Variants in PCDHGA12 observed in about 807,000 individuals in gnomAD.
The protein encoded by PCDHGA12 is protocadherin gamma-A12.
A neutral mutation model predicts 61.1 loss-of-function variants in PCDHGA12; 43 were observed. That is an observed-to-expected ratio of 0.70 (90% CI 0.55 to 0.91). The LOEUF (loss-of-function observed/expected upper bound fraction) is 0.91, where lower values mean the gene tolerates loss of function less well. PCDHGA12 is among the 40% of genes least tolerant of loss of function. The pLI, the probability that PCDHGA12 is intolerant of heterozygous loss-of-function variation, is 0.00. For synonymous variants in PCDHGA12, 520 were observed against 542.9 expected (o/e 0.96, Z 0.59); for missense variants, 1,236 against 1,227.7 (o/e 1.01, Z -0.10).
chr5:141,455,690 C>A (rs1209152869), intron 1 of PCDHGA12, among the ~76,000 whole-genome samples: 1 of 152,064 alleles, frequency 6.6e-6, no homozygotes, highest in East Asian at 1.9e-4. Context: ...CTGTGGGAAT[C>A]GCCAAGTTGA....
intron 1 of PCDHGA12, chr5:141,478,935 A>G: frequency 1.6e-6 from 1 of 638,574 alleles, no homozygotes. Flanking sequence ...GGCAGCTTCT[A>G]GGAATACAAA....
At chr5:141,505,767 AGGTCCTAGCTCT>A (rs2099848180) in intron 3 of PCDHGA12, among the ~76,000 whole-genome samples, 1 of 151,756 alleles carries the variant, frequency 6.6e-6, no homozygotes, top group Non-Finnish European at 1.5e-5. Context: ...AGTGTAGCTC[AGGTCCTAGCTCT>A]GCTACTATCC....
In PCDHGA12 at chr5:141,490,091, A is replaced by T; in HGVS notation, c.2425-4716A>T. 6.2e-7 allele frequency: 1 copy of T among 1,614,240 alleles called. No homozygotes were observed. Among genetic ancestry groups the T allele is most frequent in the East Asian group, 2.2e-5 (1 of 44,888 alleles). ...CAACTAGACTATTCTTTTGGAGACC[A>T]CACATCTGAGGCAGTGCGGAACCTC... On this transcript the variant is annotated intron_variant, in intron 1 of 3. Coordinates refer to ENST00000252085, the MANE Select transcript of PCDHGA12 (RefSeq NM_003735.3). The surrounding 1 kb of genome is among the most constrained non-coding windows in gnomAD (Gnocchi z 5.4).
intron 1 of PCDHGA12, among the ~76,000 whole-genome samples, chr5:141,444,466 C>T (rs539222916): frequency 7.9e-5 from 12 of 152,100 alleles, no homozygotes; most frequent in East Asian, 1.9e-4. Context: ...TCACTGCGCC[C>T]GGTCGCGTAC....
rs1364068033 is a variant in PCDHGA12 at position 141,490,353 on chromosome 5, G to A, written c.2425-4454G>A. 3.1e-6 allele frequency: 5 copies of A among 1,614,090 alleles called. No individual in the cohort carries two copies. The highest frequency in any genetic ancestry group is 4.2e-6 in the Non-Finnish European group (5 of 1,180,046). On this transcript the variant is annotated intron_variant, in intron 1 of 3. Transcript: ENST00000252085. This position sits in a 1 kb window ranked among gnomAD's most constrained non-coding sequence, Gnocchi z 5.4. ...CACCAGTGGGCACAGTAGTGGGGTT[G>A]TTTAATGTGCGAGACCGGGACTCAG...
intron 1 of PCDHGA12, among the ~76,000 whole-genome samples, chr5:141,452,648 GCTCCATCCACTGCA>G (rs2098746292): frequency 6.6e-6 from 1 of 151,930 alleles, no homozygotes; most frequent in African/African-American, 2.4e-5. Flanking sequence ...TTACTCATTT[GCTCCATCCACTGCA>G]CTCCAGCCTA....
chr5:141,464,524 T>C (rs2099086175), intron 1 of PCDHGA12, among the ~76,000 whole-genome samples: 1 of 152,094 alleles, frequency 6.6e-6, no homozygotes, highest in Non-Finnish European at 1.5e-5. Context: ...AAGGCATATG[T>C]AGTTTTGTTA....
chr5:141,461,058 T>C (rs1450016344), intron 1 of PCDHGA12, among the ~76,000 whole-genome samples: 2 of 152,010 alleles, frequency 1.3e-5, no homozygotes, highest in Admixed American at 1.3e-4. Context: ...CTTAGGTTGG[T>C]TTCACATTTT....
intron 1 of PCDHGA12, among the ~76,000 whole-genome samples, chr5:141,469,096 G>A (rs1191827174): frequency 6.6e-6 from 1 of 151,944 alleles, no homozygotes; most frequent in Non-Finnish European, 1.5e-5. Flanking sequence ...AGGCAACAAA[G>A]CAAGAACCTG....
In PCDHGA12 at chr5:141,431,221, A is replaced by T; in HGVS notation, c.462A>T (p.Leu154=). 6.2e-7 allele frequency: 1 copy of T among 1,614,124 alleles called. No homozygotes were observed. The highest frequency in any genetic ancestry group is 8.5e-7 in the Non-Finnish European group (1 of 1,180,026). Residue 154 remains leucine, a synonymous_variant, in exon 1 of 4, where the codon CTA becomes CTT. Transcript: ENST00000252085. The surrounding 1 kb of genome is among the most constrained non-coding windows in gnomAD (Gnocchi z 4.8). ...ENAATEMRFP[L]PHAWDPDIGK... is the part of the protein sequence containing the mutation. Reference sequence around the variant, plus strand: ...CAGCCACTGAGATGCGGTTCCCTCTACCCCACGCCTGGGATCCGGATATCG... The same window carrying T: ...CAGCCACTGAGATGCGGTTCCCTCTTCCCCACGCCTGGGATCCGGATATCG...
At chr5:141,498,321 G>A (rs1477684617) in intron 2 of PCDHGA12, among the ~76,000 whole-genome samples, 2 of 151,722 alleles carry the variant, frequency 1.3e-5, no homozygotes, top group Non-Finnish European at 2.9e-5. Flanking sequence ...CTACACAGAA[G>A]GAAGAGCATT....
In PCDHGA12 at chr5:141,486,819, T is replaced by TG; in HGVS notation, c.2425-7988_2425-7987insG. 6.2e-7 allele frequency: 1 copy of TG among 1,614,212 alleles called. No homozygotes were observed. Among genetic ancestry groups the TG allele is most frequent in the Non-Finnish European group, 8.5e-7 (1 of 1,180,034 alleles). On this transcript the variant is annotated intron_variant, in intron 1 of 3. Coordinates refer to ENST00000252085, the MANE Select transcript of PCDHGA12 (RefSeq NM_003735.3). The surrounding 1 kb of genome is among the most constrained non-coding windows in gnomAD (Gnocchi z 5.0). ...GGCAACCCACCCCTTAGCAGCACTG[T>TG]AACAGTTCGTCTATTTGTGCTGGAC...
At chr5:141,434,980 CTA>C in intron 1 of PCDHGA12, among the ~76,000 whole-genome samples, 1 of 151,954 alleles carries the variant, frequency 6.6e-6, no homozygotes, top group East Asian at 1.9e-4. Flanking sequence ...TGTTAATACT[CTA>C]TATCATTTTC....
chr5:141,447,360 A>G (rs1471046883), intron 1 of PCDHGA12, among the ~76,000 whole-genome samples: 1 of 151,914 alleles, frequency 6.6e-6, no homozygotes, highest in Non-Finnish European at 1.5e-5. Context: ...GCTGGTCTCA[A>G]ACTCCTGACC....
intron 3 of PCDHGA12, 73 bp from the exon 4 acceptor site, chr5:141,510,874 G>A (rs1419164967): frequency 3.7e-6 from 6 of 1,610,008 alleles, no homozygotes; most frequent in Admixed American, 1.7e-5. Context: ...TTCATTAACT[G>A]CTGGGGATAT....
At position 141,431,303 on chromosome 5, in the gene PCDHGA12, G is replaced by T. The variant is rs777784010; in HGVS notation, c.544G>T (p.Val182Leu). The T allele has an allele frequency of 1.2e-6, 2 of 1,614,060 alleles. No homozygotes were observed. Among genetic ancestry groups the T allele is most frequent in the Non-Finnish European group, 1.7e-6 (2 of 1,180,038 alleles). The change falls in exon 1 of 4, where the codon GTG (valine) becomes TTG (leucine). Residue 182 changes from valine (V) to leucine (L), a missense_variant. Coordinates refer to ENST00000252085, the MANE Select transcript of PCDHGA12 (RefSeq NM_003735.3). The surrounding 1 kb of genome is among the most constrained non-coding windows in gnomAD (Gnocchi z 4.8). ...CCCGAACACTCACTTCTCCCTCATC[G>T]TGCAAAATGGAGCCGACGGTAGTAA... ...LSPNTHFSLI[V>L]QNGADGSKYP...
chr5:141,490,331 C>G lies in PCDHGA12; in HGVS notation c.2425-4476C>G. 6.2e-7 allele frequency: 1 copy of G among 1,614,214 alleles called. No individual in the cohort carries two copies. The highest frequency in any genetic ancestry group is 1.1e-5 in the South Asian group (1 of 91,086). The stretch of plus-strand genomic sequence containing the variant: ...GCCAACCCTGTCCTAGAGAGCACAC[C>G]AGTGGGCACAGTAGTGGGGTTGTTT... On this transcript the variant is annotated intron_variant, in intron 1 of 3. Transcript: ENST00000252085. This position sits in a 1 kb window ranked among gnomAD's most constrained non-coding sequence, Gnocchi z 5.4.
intron 1 of PCDHGA12, among the ~76,000 whole-genome samples, chr5:141,488,007 G>A (rs1269050547): frequency 6.6e-6 from 1 of 152,178 alleles, no homozygotes; most frequent in African/African-American, 2.4e-5. Flanking sequence ...ATCAGATTCT[G>A]AAGTACCTTA....
At position 141,485,402 on chromosome 5, in the gene PCDHGA12, G is replaced by T. The variant is rs375700791; in HGVS notation, c.2425-9405G>T. ...AGAGGTGAACCAAAGACACTTCCGTGTGGATTTGGACAGCGGAGCCCTGCT... is the reference window on the plus strand; with the variant it reads ...AGAGGTGAACCAAAGACACTTCCGTTTGGATTTGGACAGCGGAGCCCTGCT... On this transcript the variant is annotated intron_variant, in intron 1 of 3. Coordinates refer to ENST00000252085, the MANE Select transcript of PCDHGA12 (RefSeq NM_003735.3). This position sits in a 1 kb window ranked among gnomAD's most constrained non-coding sequence, Gnocchi z 5.7. The T allele has an allele frequency of 6.2e-7, 1 of 1,614,194 alleles. No homozygotes were observed. Among genetic ancestry groups the T allele is most frequent in the East Asian group, 2.2e-5 (1 of 44,878 alleles).
Sources: allele counts gnomAD v4.1 joint callset (sites outside exome capture counted in the v4.1 genomes callset), GRCh38; gene constraint gnomAD v4.1.1; non-coding constraint Gnocchi (gnomAD v3.1); transcripts MANE v1.5; gene names NCBI Gene and HGNC (gene_info 2026-07-23, HGNC 2026-07-21).